Variants in REV3L observed in about 807,000 individuals in gnomAD.
REV3L encodes REV3 like, DNA directed polymerase zeta catalytic subunit.
REV3L carries 69 observed loss-of-function variants against 299.4 expected under a neutral mutation model. That is an observed-to-expected ratio of 0.23 (90% CI 0.19 to 0.28). REV3L has a LOEUF of 0.28. REV3L is among the 10% of genes least tolerant of loss of function. The pLI is 1.00. For synonymous variants in REV3L, 1,238 were observed against 1,271.4 expected (o/e 0.97, Z 0.56); for missense variants, 3,128 against 3,693.8 (o/e 0.85, Z 3.97).
chr6:111,314,211 A>G (rs1474192064), intron 27 of REV3L, among the ~76,000 whole-genome samples: 3 of 152,238 alleles, frequency 2.0e-5, no homozygotes, highest in Non-Finnish European at 2.9e-5. Flanking sequence ...TAAGTGAAAA[A>G]GAGTTCAAAG....
Position 111,376,507 on chromosome 6 carries a change from A to C in REV3L, c.1848T>G (p.Ser616=), listed in dbSNP as rs762086865. ...TEKGLDNSVT[S]FTNESTYSMK... ...TAGAATAAGTGCTTTCGTTTGTAAA[A>C]GAAGTGACTGAGTTATCTAGACCTT... Residue 616 remains serine (S), a synonymous_variant, in exon 13 of 32, where the codon TCT becomes TCG. Coordinates refer to ENST00000368802, the MANE Select transcript of REV3L (RefSeq NM_001372078.1). 33 of 1,613,028 alleles carry C rather than the reference A, an allele frequency of 2.0e-5. No individual in the cohort carries two copies. The highest frequency in any genetic ancestry group is 2.6e-5 in the Non-Finnish European group (31 of 1,179,772).
intron 1 of REV3L, among the ~76,000 whole-genome samples, chr6:111,420,733 G>C (rs1308330221): frequency 6.6e-6 from 1 of 152,202 alleles, no homozygotes; most frequent in Non-Finnish European, 1.5e-5. Context: ...AAACTCTGTG[G>C]AGCTGGCTAC....
chr6:111,339,129 C>T (rs1185103029), intron 21 of REV3L, among the ~76,000 whole-genome samples: 1 of 152,006 alleles, frequency 6.6e-6, no homozygotes, highest in Non-Finnish European at 1.5e-5. Context: ...TTACTATTTC[C>T]CCATTTCATT....
At chr6:111,468,167 A>G (rs971021933) in intron 1 of REV3L, among the ~76,000 whole-genome samples, 3 of 152,190 alleles carry the variant, frequency 2.0e-5, no homozygotes, top group Admixed American at 6.5e-5. Flanking sequence ...TTAACTATCC[A>G]GAGTTTTAAA....
At position 111,351,666 on chromosome 6, in the gene REV3L, T is replaced by C. The variant is rs1384851718; in HGVS notation, c.7300+10A>G. On this transcript the variant is annotated intron_variant, in intron 19 of 31. Coordinates refer to ENST00000368802, the MANE Select transcript of REV3L (RefSeq NM_001372078.1). ...TAGTTGAATGACAAAACATTCACAA[T>C]GACACATACCTGGCACCCGAGAGAT... 4 of 1,596,234 alleles carry C rather than the reference T, an allele frequency of 2.5e-6. No homozygotes were observed. Among genetic ancestry groups the C allele is most frequent in the Non-Finnish European group, 2.6e-6 (3 of 1,166,160 alleles).
chr6:111,434,311 A>G (rs1401904872), intron 1 of REV3L, among the ~76,000 whole-genome samples: 1 of 152,092 alleles, frequency 6.6e-6, no homozygotes, highest in East Asian at 1.9e-4. Flanking sequence ...TCAACCAAAA[A>G]AACTGTTAAA....
chr6:111,359,566 C>CA (rs1379442320), intron 16 of REV3L, among the ~76,000 whole-genome samples: 1 of 138,672 alleles, frequency 7.2e-6, no homozygotes, highest in Non-Finnish European at 1.5e-5. Context: ...ATCAACTACA[C>CA]AACAGCCAGA....
intron 1 of REV3L, chr6:111,472,126 G>A: frequency 7.8e-7 from 1 of 1,275,078 alleles, no homozygotes; most frequent in Non-Finnish European, 1.0e-6. Context: ...TATGTGGCTT[G>A]TCTTGGGTTT....
intron 31 of REV3L, among the ~76,000 whole-genome samples, chr6:111,303,701 CTTTTTTTTTTTTTTTTTTTTT>C (rs58366929): frequency 1.7e-3 from 22 of 12,646 alleles, no homozygotes; most frequent in Admixed American, 3.2e-3. Context: ...CAGACTATGA[CTTTTTTTTTTTTTTTTTTTTT>C]TTTTTTTTTT....
chr6:111,336,614 A>T (rs1775916291), intron 21 of REV3L, among the ~76,000 whole-genome samples: 1 of 152,180 alleles, frequency 6.6e-6, no homozygotes, highest in South Asian at 2.1e-4. Context: ...ATAATTTGGC[A>T]GTTCCTCAAA....
At chr6:111,430,141 A>G (rs1282338579) in intron 1 of REV3L, 3 of 785,726 alleles carry the variant, frequency 3.8e-6, no homozygotes, top group African/African-American at 1.7e-5. Context: ...AAAGACCTCC[A>G]GTGTCACGCC....
chr6:111,446,394 T>C (rs1050813464), intron 1 of REV3L, among the ~76,000 whole-genome samples: 3 of 152,130 alleles, frequency 2.0e-5, no homozygotes, highest in African/African-American at 7.2e-5. Context: ...ATGAAGTGAC[T>C]TTAGTTATAA....
chr6:111,358,395 G>C (rs1015907009), intron 17 of REV3L, among the ~76,000 whole-genome samples: 1 of 151,978 alleles, frequency 6.6e-6, no homozygotes, highest in African/African-American at 2.4e-5. Flanking sequence ...ATAATACTTA[G>C]AACAAATTAT....
chr6:111,344,352 T>C (rs981179712), intron 20 of REV3L, among the ~76,000 whole-genome samples: 3 of 114,242 alleles, frequency 2.6e-5, no homozygotes, highest in Non-Finnish European at 6.8e-5. Flanking sequence ...AATATACATA[T>C]TGACAGAAGC....
At chr6:111,450,750 CAG>C (rs1336007344) in intron 1 of REV3L, among the ~76,000 whole-genome samples, 1 of 152,038 alleles carries the variant, frequency 6.6e-6, no homozygotes. Flanking sequence ...TGTGAAAAGA[CAG>C]AAATTGTTTT....
intron 26 of REV3L, among the ~76,000 whole-genome samples, chr6:111,318,905 T>G (rs1483530160): frequency 6.6e-6 from 1 of 152,110 alleles, no homozygotes; most frequent in African/African-American, 2.4e-5. Context: ...CTGTACGGTT[T>G]TATAATAGGC....
At chr6:111,315,832 C>T (rs148467660) in intron 26 of REV3L, among the ~76,000 whole-genome samples, 1 of 152,274 alleles carries the variant, frequency 6.6e-6, no homozygotes, top group East Asian at 1.9e-4. Flanking sequence ...GTTGTGTGCA[C>T]CTTATGAGAA....
At chr6:111,303,756 G>A (rs1427951326) in intron 31 of REV3L, among the ~76,000 whole-genome samples, 1 of 109,996 alleles carries the variant, frequency 9.1e-6, no homozygotes, top group African/African-American at 3.6e-5. Context: ...GTCTTGCTCT[G>A]TCACCCAGGC....
intron 26 of REV3L, among the ~76,000 whole-genome samples, chr6:111,316,679 A>G (rs1773563252): frequency 6.7e-6 from 1 of 149,590 alleles, no homozygotes; most frequent in African/African-American, 2.5e-5. Context: ...AAAAAAAAAG[A>G]AAAAAAAAAG....
Sources: allele counts gnomAD v4.1 joint callset (sites outside exome capture counted in the v4.1 genomes callset), GRCh38; gene constraint gnomAD v4.1.1; transcripts MANE v1.5; gene names NCBI Gene and HGNC (gene_info 2026-07-23, HGNC 2026-07-21).